Variants in DLGAP2 observed in about 807,000 individuals in gnomAD.
DLGAP2 encodes disks large-associated protein 2.
Under a neutral mutation model 100.3 loss-of-function variants are expected in DLGAP2, and 26 were observed. The ratio of observed to expected loss-of-function variants is 0.26; its 90% CI spans 0.19 to 0.36. DLGAP2 has a LOEUF of 0.36. Among genes scored for constraint, DLGAP2 ranks in the 10% least tolerant of loss-of-function variants. The pLI is 1.00. For missense variants in DLGAP2, 1,858 were observed against 1,453.2 expected (o/e 1.28, Z -4.53); for synonymous variants, 886 against 630.1 (o/e 1.41, Z -6.08).
At chr8:927,001 C>G (rs1018765917) in intron 2 of DLGAP2, 51 of 984,728 alleles carry the variant, frequency 5.2e-5, no homozygotes, top group Non-Finnish European at 1.8e-5. Flanking sequence ...GCCAGAGGAC[C>G]CCCCGCCGAG....
At chr8:1,336,340 G>T (rs933631562) in intron 3 of DLGAP2, among the ~76,000 whole-genome samples, 1 of 152,226 alleles carries the variant, frequency 6.6e-6, no homozygotes, top group Non-Finnish European at 1.5e-5. Flanking sequence ...AAGGGAGAGG[G>T]GTGGTGAGAG....
At chr8:1,135,300 G>A (rs1796381532) in intron 2 of DLGAP2, among the ~76,000 whole-genome samples, 1 of 152,046 alleles carries the variant, frequency 6.6e-6, no homozygotes, top group Non-Finnish European at 1.5e-5. Flanking sequence ...CCATTTTCAA[G>A]AATTAAAAAG....
At chr8:1,686,071 C>T (rs113669913) in intron 12 of DLGAP2, among the ~76,000 whole-genome samples, 6,020 of 152,278 alleles carry the variant, frequency 0.04, 197 homozygotes, top group Non-Finnish European at 0.052. Context: ...TCCTGCTGGG[C>T]ATAGACCCAA....
intron 2 of DLGAP2, among the ~76,000 whole-genome samples, chr8:1,091,555 G>C (rs113536508): frequency 3.9e-5 from 6 of 152,222 alleles, no homozygotes; most frequent in Non-Finnish European, 1.5e-5. Context: ...GCACACACCT[G>C]TAGTGCTTTT....
intron 2 of DLGAP2, among the ~76,000 whole-genome samples, chr8:1,108,341 A>G (rs781692997): frequency 6.6e-6 from 1 of 152,184 alleles, no homozygotes; most frequent in Non-Finnish European, 1.5e-5. Context: ...TTCAGCATTA[A>G]TAGAACAAAC....
chr8:1,077,189 T>G (rs1164704201), intron 2 of DLGAP2, among the ~76,000 whole-genome samples: 1 of 152,220 alleles, frequency 6.6e-6, no homozygotes, highest in Non-Finnish European at 1.5e-5. Flanking sequence ...CTGCTTCTGA[T>G]GAGGACACCA....
chr8:1,415,467 C>T (rs1796856717), intron 3 of DLGAP2, among the ~76,000 whole-genome samples: 1 of 152,016 alleles, frequency 6.6e-6, no homozygotes, highest in Non-Finnish European at 1.5e-5. Flanking sequence ...CCCCTTTTTC[C>T]CTCCCCCTCT....
At chr8:1,669,545 C>T (rs755841880) in intron 9 of DLGAP2, among the ~76,000 whole-genome samples, 198 bp from the exon 10 acceptor site, 7 of 152,346 alleles carry the variant, frequency 4.6e-5, no homozygotes, top group Non-Finnish European at 7.3e-5. Context: ...ATTCAGCCTG[C>T]GTTCCTCGGA....
intron 1 of DLGAP2, among the ~76,000 whole-genome samples, chr8:757,355 G>A (rs950006549): frequency 4.6e-5 from 7 of 152,106 alleles, no homozygotes; most frequent in Non-Finnish European, 8.8e-5. Context: ...TGCTAAGAAG[G>A]CCCCCATGAG....
intron 6 of DLGAP2, among the ~76,000 whole-genome samples, chr8:1,623,219 C>T (rs530626487): frequency 1.3e-5 from 2 of 152,262 alleles, no homozygotes; most frequent in South Asian, 4.1e-4. Context: ...TCCCAGTGAC[C>T]TTGGGATTTT....
intron 3 of DLGAP2, among the ~76,000 whole-genome samples, chr8:1,378,504 T>G (rs1205280338): frequency 5.3e-4 from 60 of 112,254 alleles, no homozygotes; most frequent in Middle Eastern, 7.4e-3. Context: ...TCACCTGTCT[T>G]TCCTGCGCAC....
intron 4 of DLGAP2, among the ~76,000 whole-genome samples, chr8:1,513,611 T>A (rs1480008288): frequency 6.6e-6 from 1 of 152,304 alleles, no homozygotes; most frequent in Non-Finnish European, 1.5e-5. Flanking sequence ...ACCTAAAAAT[T>A]GAGGTGAGAC....
intron 3 of DLGAP2, among the ~76,000 whole-genome samples, chr8:1,302,966 G>A (rs1025886513): frequency 6.6e-6 from 1 of 152,226 alleles, no homozygotes; most frequent in Non-Finnish European, 1.5e-5. Context: ...AGATTCCATC[G>A]CCGCAGGAGT....
At chr8:1,249,272 C>T (rs888011483) in intron 2 of DLGAP2, among the ~76,000 whole-genome samples, 1 of 152,162 alleles carries the variant, frequency 6.6e-6, no homozygotes, top group Non-Finnish European at 1.5e-5. Flanking sequence ...AAATGGGCCA[C>T]TGGGCCTCTC....
At chr8:768,774 C>A (rs1821280261) in intron 1 of DLGAP2, among the ~76,000 whole-genome samples, 1 of 152,128 alleles carries the variant, frequency 6.6e-6, no homozygotes, top group Admixed American at 6.6e-5. Context: ...TCAAAAAACA[C>A]TTAAAAATGG....
At chr8:964,741 G>A (rs958417328) in intron 2 of DLGAP2, among the ~76,000 whole-genome samples, 7 of 152,168 alleles carry the variant, frequency 4.6e-5, no homozygotes, top group Admixed American at 6.5e-5. Context: ...TCAAGGGTGG[G>A]CACCGCCTCC....
chr8:1,022,022 C>T (rs1220867163), intron 2 of DLGAP2, among the ~76,000 whole-genome samples: 2 of 152,184 alleles, frequency 1.3e-5, no homozygotes, highest in Non-Finnish European at 2.9e-5. Context: ...AGCCACTGGC[C>T]TTGCAAAGGG....
chr8:1,009,916 C>T (rs553725252), intron 2 of DLGAP2, among the ~76,000 whole-genome samples: 2 of 152,296 alleles, frequency 1.3e-5, no homozygotes, highest in Non-Finnish European at 2.9e-5. Flanking sequence ...TTTTCATTAA[C>T]AAGCCAGTAA....
intron 10 of DLGAP2, among the ~76,000 whole-genome samples, chr8:1,671,415 G>A (rs1033390486): frequency 1.3e-5 from 2 of 152,172 alleles, no homozygotes; most frequent in African/African-American, 2.4e-5. Flanking sequence ...TGTGTTCTGC[G>A]AATGTCATTC....
Sources: allele counts gnomAD v4.1 joint callset (sites outside exome capture counted in the v4.1 genomes callset), GRCh38; gene constraint gnomAD v4.1.1; transcripts MANE v1.5; gene names NCBI Gene and HGNC (gene_info 2026-07-23, HGNC 2026-07-21).